The following SSX2IP variants were observed in gnomAD, a reference collection of about 807,000 sequenced individuals.
SSX2IP encodes the protein SSX family member 2 interacting protein, also known as afadin- and alpha-actinin-binding protein.
A neutral mutation model predicts 84.9 loss-of-function variants in SSX2IP; 55 were observed. The observed-to-expected ratio is 0.65, with a 90% confidence interval of 0.52 to 0.81. SSX2IP has a LOEUF of 0.81. Ranked by LOEUF, SSX2IP falls within the 30% of genes least tolerant of loss-of-function variation. The pLI is 0.00. For synonymous variants in SSX2IP, 239 were observed against 234.7 expected (o/e 1.02, Z -0.17); for missense variants, 664 against 705.2 (o/e 0.94, Z 0.66).
rs1410702124 is a variant in SSX2IP at position 84,643,840 on chromosome 1, A to G, written c.*3593T>C. The G allele has an allele frequency of 6.6e-6, 1 of 152,236 alleles. No individual in the cohort carries two copies. The highest frequency in any genetic ancestry group is 1.5e-5 in the Non-Finnish European group (1 of 68,042). 9.4% of individuals were successfully genotyped at this position (152,236 alleles called of 1,614,324 possible). ...ATCAGGAGCTTCATATGTCACTGAC[A>G]TTACAGTACTTCCTGAGCTCTCAGG... On this transcript the variant is annotated 3_prime_UTR_variant, in exon 14 of 14. Coordinates refer to ENST00000342203, the MANE Select transcript of SSX2IP (RefSeq NM_001166293.2).
chr1:84,657,792 C>A (rs1651342673), intron 9 of SSX2IP, among the ~76,000 whole-genome samples: 1 of 152,124 alleles, frequency 6.6e-6, no homozygotes. Context: ...CACTCTGAGA[C>A]CAAAGTGTAT....
chr1:84,647,627 A>T lies in SSX2IP; in HGVS notation c.1671-20T>A. Reference sequence around the variant, plus strand: ...ATTGAACTGTTGGGAAAAGAAAGGCAGATCTTAGTGACTATCCTCTCCTTC... The same window carrying T: ...ATTGAACTGTTGGGAAAAGAAAGGCTGATCTTAGTGACTATCCTCTCCTTC... On this transcript the variant is annotated intron_variant, in intron 13 of 13. Coordinates refer to ENST00000342203, the MANE Select transcript of SSX2IP (RefSeq NM_001166293.2). The T allele has an allele frequency of 6.6e-7, 1 of 1,525,200 alleles. No homozygotes were observed. The highest frequency in any genetic ancestry group is 1.9e-5 in the Admixed American group (1 of 53,500). 94.5% of individuals were successfully genotyped at this position (1,525,200 alleles called of 1,614,324 possible). A position where few individuals can be genotyped will look rare whatever the true frequency, so the allele number is the denominator to read the frequency against.
rs1277779560 is a variant in SSX2IP at position 84,645,555 on chromosome 1, T to C, written c.*1878A>G. On this transcript the variant is annotated 3_prime_UTR_variant, in exon 14 of 14. Coordinates refer to ENST00000342203, the MANE Select transcript of SSX2IP (RefSeq NM_001166293.2). ...CTCCATTGTCATGAAATATAATATT[T>C]GCTAAAATAAGAGATTTACTTTAAA... 2 of 152,204 alleles carry C rather than the reference T, an allele frequency of 1.3e-5. No individual in the cohort carries two copies. Among genetic ancestry groups the C allele is most frequent in the East Asian group, 3.8e-4 (2 of 5,204 alleles). The allele number at this position is 152,204 out of a possible 1,614,324, so 9.4% of individuals were successfully genotyped here.
At chr1:84,651,821 G>T in intron 12 of SSX2IP, 62 bp downstream of exon 12, 1 of 985,238 alleles carries the variant, frequency 1.0e-6, no homozygotes, top group Non-Finnish European at 1.5e-6. Flanking sequence ...GTAGTATTTT[G>T]TAATATGTAA....
chr1:84,661,693 A>C (rs1441204413), intron 8 of SSX2IP, among the ~76,000 whole-genome samples: 6 of 152,148 alleles, frequency 3.9e-5, no homozygotes, highest in African/African-American at 1.4e-4. Context: ...CAGAAGTTTC[A>C]CTCTGTGAAA....
intron 12 of SSX2IP, 97 bp from the exon 13 acceptor site, chr1:84,650,624 GT>G: frequency 1.5e-6 from 2 of 1,299,288 alleles, no homozygotes; most frequent in Non-Finnish European, 2.2e-6. Flanking sequence ...GCGGTTCTGA[GT>G]GAGGAAAGAG....
intron 1 of SSX2IP, among the ~76,000 whole-genome samples, chr1:84,675,186 A>C (rs1223269506): frequency 2.6e-5 from 4 of 152,238 alleles, no homozygotes; most frequent in Non-Finnish European, 5.9e-5. Context: ...AAGTCAGTGC[A>C]GGAACACACG....
chr1:84,650,571 G>A (rs2102160898), intron 12 of SSX2IP, 44 bp from the exon 13 acceptor site: 1 of 1,601,452 alleles, frequency 6.2e-7, no homozygotes, highest in East Asian at 2.2e-5. Context: ...CATATGGTGA[G>A]GCATTAAATA....
Position 84,670,656 on chromosome 1 carries a change from T to C in SSX2IP, c.203A>G (p.Tyr68Cys). 1.2e-6 allele frequency: 2 copies of C among 1,601,228 alleles called. No homozygotes were observed. Residue 68 changes from tyrosine to cysteine, a missense_variant, in exon 3 of 14, where the codon TAT (tyrosine) becomes TGT (cysteine). By Grantham distance (194) the Tyr-to-Cys change is radical. Transcript: ENST00000342203. ...TEDNIEQSISYLDQELTTFGF... is the reference protein window; with the variant it reads ...TEDNIEQSISCLDQELTTFGF... ...ACAAAAACATGTTACCTGATCAAGA[T>C]ATGAGATACTCTGTTCAATATTATC...
intron 1 of SSX2IP, among the ~76,000 whole-genome samples, chr1:84,683,336 T>C (rs1655350407): frequency 1.3e-5 from 2 of 152,120 alleles, no homozygotes; most frequent in South Asian, 4.1e-4. Context: ...TGAAACTAAA[T>C]TATAATCAAA....
Position 84,666,771 on chromosome 1 carries a change from C to A in SSX2IP, c.427-539G>T, listed in dbSNP as rs151056794. ...GCAAGTGGTAAAGTCTCTGAAGGTA[C>A]TTCCCAGAGCGGAATGGCAGCAAAG... On this transcript the variant is annotated intron_variant, in intron 4 of 13. Coordinates refer to ENST00000342203, the MANE Select transcript of SSX2IP (RefSeq NM_001166293.2). Among the ~76,000 whole-genome samples the A allele has an allele frequency of 4.6e-5, 7 of 152,268 alleles. No individual in the cohort carries two copies. The East Asian group carries it at 1.4e-3, about 29-fold the overall frequency.
intron 8 of SSX2IP, among the ~76,000 whole-genome samples, chr1:84,659,796 CA>C (rs35920871): frequency 8.2e-4 from 105 of 128,644 alleles, no homozygotes; most frequent in African/African-American, 1.1e-3. Context: ...GACTCCATCT[CA>C]AAAAAAAAAA....
At position 84,671,111 on chromosome 1, in the gene SSX2IP, T is replaced by C. The variant is rs1653511547; in HGVS notation, c.43+66A>G. ...TTCAACATCTGCAGTAATTATTTTATATTTTCATTGAAAAATTCACCTTTA... is the reference window on the plus strand; with the variant it reads ...TTCAACATCTGCAGTAATTATTTTACATTTTCATTGAAAAATTCACCTTTA... On this transcript the variant is annotated intron_variant, in intron 2 of 13. Transcript: ENST00000342203. The C allele has an allele frequency of 7.1e-6, 11 of 1,555,878 alleles. No individual in the cohort carries two copies. The South Asian group carries it at 1.2e-4, about 17-fold the overall frequency.
rs1652753377 is a variant in SSX2IP at position 84,666,186 on chromosome 1, C to T, written c.473G>A (p.Arg158Lys). Residue 158 changes from arginine to lysine, a missense_variant, in exon 5 of 14, where the codon AGA (arginine) becomes AAA (lysine). Arg to Lys is a conservative substitution (Grantham distance 26). Transcript: ENST00000342203. ...SRREMIGLQERDRQLQCKNRN... is the reference protein window; with the variant it reads ...SRREMIGLQEKDRQLQCKNRN... ...GTTCTTACATTGTAACTGTCTGTCT[C>T]TTTCCTGAAGCCCAATCATTTCCCT... 3 of 1,612,914 alleles carry T rather than the reference C, an allele frequency of 1.9e-6. No individual in the cohort carries two copies. The highest frequency in any genetic ancestry group is 1.7e-6 in the Non-Finnish European group (2 of 1,179,380).
chr1:84,647,921 A>AT (rs2102119661), intron 13 of SSX2IP, among the ~76,000 whole-genome samples: 1 of 152,136 alleles, frequency 6.6e-6, no homozygotes, highest in African/African-American at 2.4e-5. Flanking sequence ...GCCTAGTTTA[A>AT]TCATTTGTAC....
intron 1 of SSX2IP, among the ~76,000 whole-genome samples, chr1:84,681,577 T>C (rs904398053): frequency 2.6e-5 from 4 of 151,880 alleles, no homozygotes; most frequent in Non-Finnish European, 5.9e-5. Flanking sequence ...ACCTCTTCCA[T>C]AGCATATCTT....
intron 5 of SSX2IP, 92 bp downstream of exon 5, chr1:84,666,029 CT>C: frequency 2.2e-6 from 2 of 911,600 alleles, no homozygotes; most frequent in African/African-American, 1.7e-5. Flanking sequence ...ATGGTTCTTT[CT>C]TTTTTCAAGT....
At chr1:84,683,838 T>C (rs1020389684) in intron 1 of SSX2IP, among the ~76,000 whole-genome samples, 2 of 152,196 alleles carry the variant, frequency 1.3e-5, no homozygotes, top group Non-Finnish European at 2.9e-5. Context: ...ATCAAGAGCA[T>C]GGCAATTTAC....
chr1:84,665,389 G>A lies in SSX2IP; in HGVS notation c.537+733C>T, dbSNP rs559997109. Reference sequence around the variant, plus strand: ...AAATCTATCTAAACCACTCCAGGGCGCTTTAAAGAAATACACTCCTCAGAA... The same window carrying A: ...AAATCTATCTAAACCACTCCAGGGCACTTTAAAGAAATACACTCCTCAGAA... On this transcript the variant is annotated intron_variant, in intron 5 of 13. Coordinates refer to ENST00000342203, the MANE Select transcript of SSX2IP (RefSeq NM_001166293.2). 6.6e-5 allele frequency among the ~76,000 whole-genome samples: 10 copies of A among 152,146 alleles called. No individual in the cohort carries two copies. The Middle Eastern group carries it at 0.014, about 207-fold the overall frequency.
Sources: allele counts gnomAD v4.1 joint callset (sites outside exome capture counted in the v4.1 genomes callset), GRCh38; gene constraint gnomAD v4.1.1; transcripts MANE v1.5; gene names NCBI Gene and HGNC (gene_info 2026-07-23, HGNC 2026-07-21).